Variants in PTCRA observed in about 807,000 individuals in gnomAD.
PTCRA encodes the protein pre T-cell antigen receptor alpha.
Under a neutral mutation model 13.4 loss-of-function variants are expected in PTCRA, and 9 were observed. The observed-to-expected ratio is 0.67, with a 90% CI of 0.41 to 1.18. The LOEUF (loss-of-function observed/expected upper bound fraction) is 1.18, where lower values mean the gene tolerates loss of function less well. Ranked by LOEUF, PTCRA falls within the 50% of genes most tolerant of loss-of-function variation. PTCRA has a pLI of 0.01. For missense variants in PTCRA, 353 were observed against 359.8 expected (o/e 0.98, Z 0.15); for synonymous variants, 153 against 161.9 (o/e 0.94, Z 0.42).
At chr6:42,919,716 CAA>C (rs372468906) in intron 1 of PTCRA, among the ~76,000 whole-genome samples, 1 of 8,044 alleles carries the variant, frequency 1.2e-4, no homozygotes, top group Non-Finnish European at 5.2e-4. Flanking sequence ...GACTCTGTCT[CAA>C]AAAAAAAAGA....
chr6:42,925,484 G>T lies in PTCRA; in HGVS notation c.648G>T (p.Arg216=). The T allele has an allele frequency of 6.4e-7, 1 of 1,559,680 alleles. No homozygotes were observed. The highest frequency in any genetic ancestry group is 8.7e-7 in the Non-Finnish European group (1 of 1,151,214). Residue 216 remains arginine, a synonymous_variant, in exon 4 of 4, where the codon CGG becomes CGT. Coordinates refer to ENST00000304672, the MANE Select transcript of PTCRA (RefSeq NM_138296.3). This position sits in a 1 kb window ranked among gnomAD's most constrained non-coding sequence, Gnocchi z 4.4. ...EATSSPRPQP[R]DRRWGDTPPG... The stretch of plus-strand genomic sequence containing the variant: ...CCAGCTCACCCAGACCCCAGCCTCG[G>T]GACCGCCGCTGGGGTGACACCCCTC...
intron 1 of PTCRA, among the ~76,000 whole-genome samples, chr6:42,919,819 GA>G (rs1374760900): frequency 6.6e-6 from 1 of 150,792 alleles, no homozygotes; most frequent in Non-Finnish European, 1.5e-5. Flanking sequence ...TGAGGTGGAA[GA>G]ATAGCTTGAG....
At chr6:42,918,594 C>T (rs1766985665) in intron 1 of PTCRA, among the ~76,000 whole-genome samples, 1 of 151,646 alleles carries the variant, frequency 6.6e-6, no homozygotes, top group African/African-American at 2.4e-5. Flanking sequence ...AAAATAAAGA[C>T]TCAGAAAATT....
At chr6:42,923,653 A>G (rs549116070) in intron 2 of PTCRA, among the ~76,000 whole-genome samples, 31 of 152,316 alleles carry the variant, frequency 2.0e-4, no homozygotes, top group Non-Finnish European at 3.8e-4. Flanking sequence ...ATGACACCCT[A>G]TAAGGACCAA....
intron 3 of PTCRA, among the ~76,000 whole-genome samples, chr6:42,924,868 G>A (rs546958744): frequency 6.6e-6 from 1 of 152,130 alleles, no homozygotes; most frequent in South Asian, 2.1e-4. Flanking sequence ...CTACTCAGGA[G>A]GCTGAGGTAG....
At chr6:42,917,040 C>T (rs755996143) in intron 1 of PTCRA, among the ~76,000 whole-genome samples, 2 of 151,948 alleles carry the variant, frequency 1.3e-5, no homozygotes, top group African/African-American at 2.4e-5. Context: ...TCCTGGAGCT[C>T]GTGCCCAGCC....
In PTCRA at chr6:42,925,537, G is replaced by T. The variant is rs550965943; in HGVS notation, c.701G>T (p.Trp234Leu). The T allele has an allele frequency of 3.8e-6, 6 of 1,589,370 alleles. No individual in the cohort carries two copies. In the African/African-American group the frequency reaches 5.4e-5, roughly 14 times the overall value. ...PPGRKPGSPV[W>L]GEGSYLSSYP... is the part of the protein sequence containing the mutation. ...GGTCGGAAGCCCGGGAGCCCAGTAT[G>T]GGGGGAAGGGTCTTACCTCAGCAGT... The change falls in exon 4 of 4, where the codon TGG becomes TTG. Residue 234 changes from tryptophan (W) to leucine (L), a missense_variant. By Grantham distance (61) the Trp-to-Leu change is moderately conservative. Coordinates refer to ENST00000304672, the MANE Select transcript of PTCRA (RefSeq NM_138296.3). This position sits in a 1 kb window ranked among gnomAD's most constrained non-coding sequence, Gnocchi z 4.4.
intron 1 of PTCRA, 67 bp downstream of exon 1, chr6:42,916,194 G>T: frequency 6.9e-7 from 1 of 1,458,116 alleles, no homozygotes; most frequent in Non-Finnish European, 9.6e-7. Flanking sequence ...CCTCACTCTG[G>T]ACCTCCCTGG....
At chr6:42,922,739 C>CAA (rs575063807) in intron 1 of PTCRA, among the ~76,000 whole-genome samples, 1,150 of 85,566 alleles carry the variant, frequency 0.013, 18 homozygotes, top group African/African-American at 0.049. Context: ...AATTCCATCT[C>CAA]AAAAAAAAAA....
intron 1 of PTCRA, chr6:42,922,179 T>C: frequency 1.4e-6 from 1 of 690,128 alleles, no homozygotes; most frequent in South Asian, 1.6e-5. Context: ...AAACAAAAAG[T>C]TACAGATATA....
At chr6:42,916,158 C>T in intron 1 of PTCRA, 31 bp downstream of exon 1, 2 of 1,605,996 alleles carry the variant, frequency 1.2e-6, no homozygotes, top group Non-Finnish European at 1.7e-6. Flanking sequence ...CCTCTCTGTC[C>T]CTCCTCAGTC....
At position 42,916,121 on chromosome 6, in the gene PTCRA, C is replaced by G; in HGVS notation, c.52C>G (p.Pro18Ala). ...CCTGGCCCTTGGGTGTCCAGCCCTA[C>G]CCACAGGTGAGCCCCCTCTTTGCCT... is the stretch of plus-strand genomic sequence containing the variant. ...LLLALGCPAL[P>A]TGVGGTPFPS... Residue 18 changes from proline (P) to alanine (A), a missense_variant, in exon 1 of 4, where the codon CCC becomes GCC. Coordinates refer to ENST00000304672, the MANE Select transcript of PTCRA (RefSeq NM_138296.3). 6.2e-7 allele frequency: 1 copy of G among 1,613,954 alleles called. No homozygotes were observed. The highest frequency in any genetic ancestry group is 8.5e-7 in the Non-Finnish European group (1 of 1,179,874).
rs945093134 is a variant in PTCRA, at chr6:42,925,132, G to T, written c.425-129G>T. ...AGTAAGAACGGAGGCTAGACACCGG[G>T]AAGGACTTTCCCTGGAGGAGGGGGT... On this transcript the variant is annotated intron_variant, in intron 3 of 3. Coordinates refer to ENST00000304672, the MANE Select transcript of PTCRA (RefSeq NM_138296.3). This position sits in a 1 kb window ranked among gnomAD's most constrained non-coding sequence, Gnocchi z 4.4. 23 of 1,264,116 alleles carry T rather than the reference G, an allele frequency of 1.8e-5. No individual in the cohort carries two copies. In the Admixed American group the frequency reaches 4.2e-4, roughly 23 times the overall value. 78.3% of individuals were successfully genotyped at this position (1,264,116 alleles called of 1,614,324 possible).
At chr6:42,920,674 C>G (rs1197149651) in intron 1 of PTCRA, among the ~76,000 whole-genome samples, 1 of 152,110 alleles carries the variant, frequency 6.6e-6, no homozygotes, top group Non-Finnish European at 1.5e-5. Context: ...ATCCACCCAC[C>G]TTGGCCTCCC....
At chr6:42,921,103 G>T (rs112617258) in intron 1 of PTCRA, among the ~76,000 whole-genome samples, 8,888 of 149,522 alleles carry the variant, frequency 0.059, 337 homozygotes, top group South Asian at 0.14. Flanking sequence ...AGCCTTTTTT[G>T]TTGTTGTTGT....
At chr6:42,921,313 G>A (rs1767145262) in intron 1 of PTCRA, among the ~76,000 whole-genome samples, 1 of 151,364 alleles carries the variant, frequency 6.6e-6, no homozygotes, top group Admixed American at 6.6e-5. Context: ...TGTTGGCCAG[G>A]CTGGTCTCAA....
chr6:42,922,392 C>G, intron 1 of PTCRA: 1 of 609,178 alleles, frequency 1.6e-6, no homozygotes, highest in Non-Finnish European at 2.9e-6. Flanking sequence ...ATATCATAGA[C>G]AAGTGGATGG....
In PTCRA at chr6:42,925,798, T is replaced by A; in HGVS notation, c.*116T>A. 1.7e-6 allele frequency: 1 copy of A among 587,566 alleles called. No individual in the cohort carries two copies. Among genetic ancestry groups the A allele is most frequent in the South Asian group, 3.1e-5 (1 of 32,712 alleles). 36.4% of individuals were successfully genotyped at this position (587,566 alleles called of 1,614,324 possible). A position where few individuals can be genotyped will look rare whatever the true frequency, so the allele number is the denominator to read the frequency against. ...GTTACAGGGGCATTTAGGGAGCAGA[T>A]GACTGAGAACATTAAAAAAGAACTT... On this transcript the variant is annotated 3_prime_UTR_variant, in exon 4 of 4. Coordinates refer to ENST00000304672, the MANE Select transcript of PTCRA (RefSeq NM_138296.3). The surrounding 1 kb of genome is among the most constrained non-coding windows in gnomAD (Gnocchi z 4.4).
In PTCRA at chr6:42,923,437, A is replaced by G. The variant is rs1767287023; in HGVS notation, c.379+90A>G. 1.2e-5 allele frequency: 15 copies of G among 1,290,828 alleles called. 1 individual carries two copies. The South Asian group carries it at 1.9e-4, about 16-fold the overall frequency. The allele number at this position is 1,290,828 out of a possible 1,614,324, so 80.0% of individuals were successfully genotyped here. A position where few individuals can be genotyped will look rare whatever the true frequency, so the allele number is the denominator to read the frequency against. On this transcript the variant is annotated intron_variant, in intron 2 of 3. Transcript: ENST00000304672. ...GGAGGGAGGGCAGGCTCCAGGCCACAAAGGCATGAAGGGTGTCCAAGCGCA... is the reference window on the plus strand; with the variant it reads ...GGAGGGAGGGCAGGCTCCAGGCCACGAAGGCATGAAGGGTGTCCAAGCGCA...
Sources: gnomAD v4.1 joint callset for allele counts (sites outside exome capture counted in the v4.1 genomes callset) on GRCh38, gnomAD v4.1.1 for gene constraint, Gnocchi (gnomAD v3.1) non-coding constraint, MANE v1.5 for transcripts, NCBI Gene and HGNC (gene_info 2026-07-23, HGNC 2026-07-21) for gene names.